EFCAB6: variants seen among roughly 807,000 people sequenced by gnomAD.
The protein encoded by EFCAB6 is EF-hand calcium-binding domain-containing protein 6.
A neutral mutation model predicts 169.8 loss-of-function variants in EFCAB6; 156 were observed. The observed-to-expected ratio is 0.92, with a 90% CI of 0.81 to 1.05. EFCAB6 has a LOEUF of 1.05. Among genes scored for constraint, EFCAB6 ranks in the 50% least tolerant of loss-of-function variants. The pLI is 0.00. For synonymous variants in EFCAB6, 698 were observed against 676.4 expected, an observed-to-expected ratio of 1.03 and a Z score of -0.50; for missense variants, 1,800 against 1,829.1, an observed-to-expected ratio of 0.98 and a Z score of 0.29.
intron 25 of EFCAB6, among the ~76,000 whole-genome samples, chr22:43,579,336 T>C (rs1179307891): frequency 1.3e-5 from 2 of 151,020 alleles, no homozygotes; most frequent in East Asian, 3.9e-4. Context: ...GCAGGTATCA[T>C]TCCCTACACG....
rs1277018690 is a variant in EFCAB6, at chr22:43,600,068, C to T, written c.2876+1G>A. The T allele has an allele frequency of 5.0e-6, 8 of 1,613,170 alleles. No individual in the cohort carries two copies. The highest frequency in any genetic ancestry group is 1.7e-5 in the Admixed American group (1 of 59,938). ...TGGCCCCGTGATCCTTCCTCACTCA[C>T]CTGGCTGCCACAGCCTTCTCTGTGC... On this transcript the variant is annotated splice_donor_variant, in intron 23 of 31. Coordinates refer to ENST00000262726, the MANE Select transcript of EFCAB6 (RefSeq NM_022785.4). LOFTEE classifies it high-confidence loss of function.
chr22:43,586,901 A>G (rs1024083594), intron 24 of EFCAB6, among the ~76,000 whole-genome samples: 1 of 152,168 alleles, frequency 6.6e-6, no homozygotes, highest in Admixed American at 6.5e-5. Flanking sequence ...GACCGCTGGC[A>G]TAAACTCCGA....
chr22:43,668,832 C>G (rs2057367921), intron 16 of EFCAB6, 40 bp downstream of exon 16: 1 of 1,509,720 alleles, frequency 6.6e-7, no homozygotes, highest in Admixed American at 2.1e-5. Context: ...ATGACAGACA[C>G]TGTGGTTTTG....
In EFCAB6 at chr22:43,678,166, G is replaced by A; in HGVS notation, c.1252-3C>T. ...CTTGTTATCGGTCCATCGGGTTTCT[G>A]AGCATCAGAGTGTATATAAGGGAAT... On this transcript the variant is annotated splice_polypyrimidine_tract_variant and splice_region_variant and intron_variant, in intron 12 of 31. Coordinates refer to ENST00000262726, the MANE Select transcript of EFCAB6 (RefSeq NM_022785.4). The A allele has an allele frequency of 6.3e-7, 1 of 1,583,762 alleles. No homozygotes were observed. The highest frequency in any genetic ancestry group is 8.6e-7 in the Non-Finnish European group (1 of 1,163,420).
In EFCAB6 at chr22:43,599,128, G is replaced by A. The variant is rs549117816; in HGVS notation, c.2876+941C>T. ...GTTAGCCCTTTACACAAACATTTCC[G>A]TGTCCTTCCACAGTGGCCGCAGCAG... On this transcript the variant is annotated intron_variant, in intron 23 of 31. Transcript: ENST00000262726. Among the ~76,000 whole-genome samples, 8 of 152,158 alleles carry A rather than the reference G, an allele frequency of 5.3e-5. No homozygotes were observed. The South Asian group carries it at 1.5e-3, about 28-fold the overall frequency.
At chr22:43,697,503 CT>C (rs538817986) in intron 10 of EFCAB6, among the ~76,000 whole-genome samples, 1 of 151,998 alleles carries the variant, frequency 6.6e-6, no homozygotes, top group African/African-American at 2.4e-5. Context: ...TATGGTAGTT[CT>C]TTTTTTTCCT....
intron 8 of EFCAB6, among the ~76,000 whole-genome samples, chr22:43,721,284 T>C (rs370865487): frequency 2.0e-5 from 3 of 152,194 alleles, no homozygotes; most frequent in African/African-American, 7.2e-5. Flanking sequence ...ATCAGTATCA[T>C]TAAAATGGCC....
chr22:43,697,232 C>A lies in EFCAB6; in HGVS notation c.1032-9651G>T, dbSNP rs572422173. 3.9e-5 allele frequency among the ~76,000 whole-genome samples: 6 copies of A among 152,274 alleles called. No homozygotes were observed. The East Asian group carries it at 1.2e-3, about 29-fold the overall frequency. On this transcript the variant is annotated intron_variant, in intron 10 of 31. Coordinates refer to ENST00000262726, the MANE Select transcript of EFCAB6 (RefSeq NM_022785.4). ...GCATTTTAGCATTACCTAACGTAAA[C>A]CTTAAAAATCTTCAAACCCTTTGAC...
At chr22:43,566,594 C>T (rs1023087736) in intron 26 of EFCAB6, among the ~76,000 whole-genome samples, 2 of 152,196 alleles carry the variant, frequency 1.3e-5, no homozygotes, top group East Asian at 3.9e-4. Flanking sequence ...AAGCTCCTGC[C>T]AGCAGGTGCT....
At chr22:43,804,166 A>G (rs5763998) in intron 2 of EFCAB6, among the ~76,000 whole-genome samples, 49,519 of 152,046 alleles carry the variant, frequency 0.33, 8,786 homozygotes, top group East Asian at 0.62. Flanking sequence ...TCAATAACAA[A>G]AGGAACCTCA....
intron 20 of EFCAB6, 71 bp downstream of exon 20, chr22:43,626,376 T>G (rs983061595): frequency 2.1e-6 from 3 of 1,446,692 alleles, no homozygotes; most frequent in Non-Finnish European, 2.9e-6. Flanking sequence ...GCGGACGCCA[T>G]GGAAATGCTG....
intron 10 of EFCAB6, among the ~76,000 whole-genome samples, chr22:43,707,019 G>A (rs2058984481): frequency 6.6e-6 from 1 of 152,236 alleles, no homozygotes; most frequent in Non-Finnish European, 1.5e-5. Context: ...GTCAAGGACA[G>A]TAAGAACATG....
chr22:43,594,815 T>C (rs1390855511), intron 23 of EFCAB6, among the ~76,000 whole-genome samples: 2 of 152,216 alleles, frequency 1.3e-5, no homozygotes, highest in African/African-American at 2.4e-5. Flanking sequence ...TGTCATCCAA[T>C]TGCTGCAGAA....
chr22:43,788,808 T>C (rs555567585), intron 2 of EFCAB6, among the ~76,000 whole-genome samples: 88 of 152,292 alleles, frequency 5.8e-4, no homozygotes, highest in African/African-American at 2.0e-3. Flanking sequence ...TTATTCACAA[T>C]AGACAAGAAG....
At chr22:43,721,251 T>C (rs536944471) in intron 8 of EFCAB6, among the ~76,000 whole-genome samples, 83 of 152,282 alleles carry the variant, frequency 5.5e-4, no homozygotes, top group African/African-American at 1.9e-3. Flanking sequence ...GGAAAAAATA[T>C]TCTATGCTTA....
intron 2 of EFCAB6, among the ~76,000 whole-genome samples, chr22:43,807,066 A>G (rs767089234): frequency 2.6e-5 from 4 of 152,162 alleles, no homozygotes; most frequent in Non-Finnish European, 4.4e-5. Context: ...CTGCTAGACA[A>G]TAAGTCCCTC....
chr22:43,793,127 T>C (rs1193215152), intron 2 of EFCAB6, among the ~76,000 whole-genome samples: 1 of 152,146 alleles, frequency 6.6e-6, no homozygotes, highest in Non-Finnish European at 1.5e-5. Context: ...TGTTGTGCAT[T>C]TTATTACTTG....
chr22:43,645,562 C>A (rs1161709849), intron 17 of EFCAB6, among the ~76,000 whole-genome samples: 1 of 152,130 alleles, frequency 6.6e-6, no homozygotes, highest in Non-Finnish European at 1.5e-5. Context: ...TTTTATAAAC[C>A]ATTTACTATG....
At chr22:43,737,544 CAT>C (rs1293726386) in intron 6 of EFCAB6, among the ~76,000 whole-genome samples, 3 of 149,796 alleles carry the variant, frequency 2.0e-5, no homozygotes, top group Non-Finnish European at 4.5e-5. Context: ...CTCACACACA[CAT>C]GTATTCATAC....
Sources: gnomAD v4.1 joint callset for allele counts (sites outside exome capture counted in the v4.1 genomes callset) on GRCh38, gnomAD v4.1.1 for gene constraint, MANE v1.5 for transcripts, NCBI Gene and HGNC (gene_info 2026-07-23, HGNC 2026-07-21) for gene names.